RBFOX1: variants seen among roughly 807,000 people sequenced by gnomAD.
The protein encoded by RBFOX1 is RNA binding protein fox-1 homolog 1.
Under a neutral mutation model 57.7 loss-of-function variants are expected in RBFOX1, and 8 were observed. That is an observed-to-expected ratio of 0.14 (90% CI 0.08 to 0.25). The LOEUF (loss-of-function observed/expected upper bound fraction) is 0.25, where lower values mean the gene tolerates loss of function less well. Among genes scored for constraint, RBFOX1 ranks in the 10% least tolerant of loss-of-function variants. RBFOX1 has a pLI of 1.00. For synonymous variants in RBFOX1, 326 were observed against 222.4 expected (o/e 1.47, Z -4.15); for missense variants, 611 against 548.5 (o/e 1.11, Z -1.14).
At chr16:6,927,617 G>A (rs543939194) in intron 3 of RBFOX1, among the ~76,000 whole-genome samples, 2 of 152,036 alleles carry the variant, frequency 1.3e-5, no homozygotes, top group South Asian at 4.2e-4. Context: ...ACATTTAGCA[G>A]GGGCTTAATA....
intron 1 of RBFOX1, among the ~76,000 whole-genome samples, chr16:5,314,929 T>C (rs1404814049): frequency 6.6e-6 from 1 of 152,212 alleles, no homozygotes; most frequent in Non-Finnish European, 1.5e-5. Context: ...TTTTGAATTT[T>C]TTTTAATGGA....
chr16:7,060,299 C>G (rs146488856), intron 4 of RBFOX1, among the ~76,000 whole-genome samples: 25 of 152,126 alleles, frequency 1.6e-4, no homozygotes, highest in African/African-American at 5.6e-4. Flanking sequence ...AGTTAGCCAA[C>G]CCCTGCTGGT....
At chr16:6,970,164 C>G (rs182889018) in intron 3 of RBFOX1, among the ~76,000 whole-genome samples, 79 of 151,016 alleles carry the variant, frequency 5.2e-4, no homozygotes, top group Admixed American at 5.1e-3. Context: ...GGCAACAGAA[C>G]AAGACTCTGG....
chr16:6,077,281 G>A (rs1247718828), intron 1 of RBFOX1, among the ~76,000 whole-genome samples: 1 of 151,740 alleles, frequency 6.6e-6, no homozygotes, highest in Non-Finnish European at 1.5e-5. Context: ...GCTTGGCCAG[G>A]TAGGAGCTCA....
intron 3 of RBFOX1, among the ~76,000 whole-genome samples, chr16:6,895,446 G>GTATATATATA (rs1439276748): frequency 1.8e-5 from 1 of 57,096 alleles, no homozygotes; most frequent in Non-Finnish European, 3.3e-5. Context: ...GTGTGTGTGT[G>GTATATATATA]TGTATATATA....
intron 9 of RBFOX1, among the ~76,000 whole-genome samples, chr16:7,599,057 A>G (rs1036330291): frequency 2.6e-5 from 4 of 152,202 alleles, no homozygotes; most frequent in Admixed American, 6.5e-5. Flanking sequence ...AGAATTACCT[A>G]TTCTGCTATT....
intron 3 of RBFOX1, among the ~76,000 whole-genome samples, chr16:5,769,572 G>T (rs899576778): frequency 1.2e-4 from 18 of 152,088 alleles, no homozygotes; most frequent in African/African-American, 4.1e-4. Flanking sequence ...AGAATTGCTT[G>T]AAGTCAGAAG....
chr16:6,418,836 C>A (rs57623948), intron 2 of RBFOX1, among the ~76,000 whole-genome samples: 11,806 of 152,188 alleles, frequency 0.078, 505 homozygotes, highest in East Asian at 0.16. Context: ...GCCCTTCATG[C>A]AAGTTTGATA....
intron 1 of RBFOX1, among the ~76,000 whole-genome samples, chr16:6,061,267 T>C (rs941686378): frequency 6.6e-6 from 1 of 152,144 alleles, no homozygotes; most frequent in Non-Finnish European, 1.5e-5. Flanking sequence ...TTACCAAACA[T>C]ATATGCCCAA....
chr16:5,378,686 T>C (rs1449130983), intron 1 of RBFOX1, among the ~76,000 whole-genome samples: 1 of 151,408 alleles, frequency 6.6e-6, no homozygotes, highest in Non-Finnish European at 1.5e-5. Flanking sequence ...CTGGATCCTG[T>C]TCCTATTACC....
At chr16:5,814,304 A>G (rs1421596732) in intron 3 of RBFOX1, among the ~76,000 whole-genome samples, 1 of 152,208 alleles carries the variant, frequency 6.6e-6, no homozygotes, top group Non-Finnish European at 1.5e-5. Flanking sequence ...AAGGGATTGT[A>G]CTCTGTAAAA....
At chr16:6,800,540 G>A (rs982160287) in intron 3 of RBFOX1, among the ~76,000 whole-genome samples, 5 of 152,038 alleles carry the variant, frequency 3.3e-5, no homozygotes, top group Admixed American at 6.6e-5. Flanking sequence ...TTCCGTGCAC[G>A]CTACACTTTA....
chr16:6,356,304 C>T (rs779091540), intron 2 of RBFOX1, among the ~76,000 whole-genome samples: 3 of 152,172 alleles, frequency 2.0e-5, no homozygotes, highest in Non-Finnish European at 4.4e-5. Context: ...GCCAACAGAT[C>T]AGGGTCACGT....
At chr16:7,290,149 G>C (rs59987003) in intron 4 of RBFOX1, among the ~76,000 whole-genome samples, 67,494 of 152,056 alleles carry the variant, frequency 0.44, 17,812 homozygotes, top group East Asian at 0.83. Flanking sequence ...CTATAAGAGA[G>C]ATAAAAGGAG....
chr16:6,156,310 A>G (rs1319882690), intron 1 of RBFOX1, among the ~76,000 whole-genome samples: 3 of 152,166 alleles, frequency 2.0e-5, no homozygotes, highest in Non-Finnish European at 4.4e-5. Context: ...ATTTTGTTAA[A>G]GGATTGGGAA....
intron 1 of RBFOX1, among the ~76,000 whole-genome samples, chr16:6,309,496 G>A (rs1018183286): frequency 6.6e-6 from 1 of 152,168 alleles, no homozygotes; most frequent in South Asian, 2.1e-4. Context: ...TGCTGACAGG[G>A]AAGCGGAGCT....
chr16:7,264,827 G>T (rs759539760), intron 4 of RBFOX1, among the ~76,000 whole-genome samples: 1 of 152,184 alleles, frequency 6.6e-6, no homozygotes, highest in Non-Finnish European at 1.5e-5. Flanking sequence ...AAAGTACCCA[G>T]AGGGTAAAAA....
chr16:6,204,527 G>C (rs150555829), intron 1 of RBFOX1, among the ~76,000 whole-genome samples: 45 of 152,300 alleles, frequency 3.0e-4, no homozygotes, highest in African/African-American at 9.9e-4. Flanking sequence ...TTGTTTAACA[G>C]AAATTGGAAC....
chr16:6,112,592 G>A (rs1278181575), intron 1 of RBFOX1, among the ~76,000 whole-genome samples: 3 of 152,176 alleles, frequency 2.0e-5, no homozygotes, highest in African/African-American at 7.2e-5. Context: ...CTGAGAGGCT[G>A]AGGCAGGATA....
Sources: allele counts gnomAD v4.1 joint callset (sites outside exome capture counted in the v4.1 genomes callset), GRCh38; gene constraint gnomAD v4.1.1; transcripts MANE v1.5; gene names NCBI Gene and HGNC (gene_info 2026-07-23, HGNC 2026-07-21).